The following PCTP variants were observed in gnomAD, a reference collection of about 807,000 sequenced individuals.
PCTP encodes the protein phosphatidylcholine transfer protein.
Under a neutral mutation model 31.0 loss-of-function variants are expected in PCTP, and 27 were observed. That is an observed-to-expected ratio of 0.87 (90% CI 0.64 to 1.20). The LOEUF (loss-of-function observed/expected upper bound fraction) is 1.20. Ranked by LOEUF, PCTP falls within the 50% of genes most tolerant of loss-of-function variation. PCTP has a pLI of 0.00. For missense variants in PCTP, 287 were observed against 268.2 expected (o/e 1.07, Z -0.49); for synonymous variants, 108 against 101.2 (o/e 1.07, Z -0.40).
At chr17:55,751,323 A>G (rs1002464911) in intron 1 of PCTP, 79 bp downstream of exon 1, 4 of 1,515,378 alleles carry the variant, frequency 2.6e-6, no homozygotes, top group Admixed American at 2.2e-5. Flanking sequence ...GCGGGGCGGC[A>G]GTCGCGGAAG....
chr17:55,835,155 C>T (rs1182537132), intron 5 of PCTP, among the ~76,000 whole-genome samples: 2 of 152,224 alleles, frequency 1.3e-5, no homozygotes, highest in African/African-American at 4.8e-5. Flanking sequence ...GAGGGATCCT[C>T]CCTTAGAGAC....
chr17:55,845,686 G>T (rs1598028094), downstream of PCTP, among the ~76,000 whole-genome samples: 2 of 152,152 alleles, frequency 1.3e-5, no homozygotes, highest in Middle Eastern at 3.4e-3. Context: ...TTTCAGCTCC[G>T]CGCGGCGGGC....
chr17:55,805,485 G>A (rs1206786158), intron 3 of PCTP, among the ~76,000 whole-genome samples: 2 of 152,002 alleles, frequency 1.3e-5, no homozygotes, highest in Non-Finnish European at 2.9e-5. Flanking sequence ...GTTAGTTCAT[G>A]TAGGATAATG....
intron 3 of PCTP, among the ~76,000 whole-genome samples, chr17:55,805,532 A>T (rs1384909077): frequency 6.6e-6 from 1 of 152,110 alleles, no homozygotes; most frequent in Non-Finnish European, 1.5e-5. Flanking sequence ...AAAGGACATG[A>T]TGTCATTCTT....
intron 5 of PCTP, among the ~76,000 whole-genome samples, chr17:55,830,368 G>T (rs759541715): frequency 6.6e-6 from 1 of 152,232 alleles, no homozygotes; most frequent in Admixed American, 6.5e-5. Context: ...TGCAATTTTT[G>T]TTGATGGACT....
chr17:55,806,693 C>T (rs981562137), intron 3 of PCTP, among the ~76,000 whole-genome samples: 5 of 152,024 alleles, frequency 3.3e-5, no homozygotes, highest in African/African-American at 2.4e-5. Context: ...AGTTAAACCT[C>T]GGTACTGGAC....
At position 55,751,052 on chromosome 17, in the gene PCTP, TA is replaced by T; in HGVS notation, c.-50del. The T allele has an allele frequency of 1.4e-6, 2 of 1,474,918 alleles. No individual in the cohort carries two copies. The allele number at this position is 1,474,918 out of a possible 1,614,324, so 91.4% of individuals were successfully genotyped here. ...GGTCACCCCGCCCCCAGGCCCACAC[TA>T]AGGGTGTCCGCGGCCTGCCCTCCAG... is the stretch of plus-strand genomic sequence containing the variant. On this transcript the variant is annotated 5_prime_UTR_variant, in exon 1 of 6. Coordinates refer to ENST00000268896, the MANE Select transcript of PCTP (RefSeq NM_021213.4).
downstream of PCTP, among the ~76,000 whole-genome samples, chr17:55,846,704 T>C (rs568096273): frequency 6.6e-6 from 1 of 152,294 alleles, no homozygotes; most frequent in African/African-American, 2.4e-5. Flanking sequence ...AGAACACTTA[T>C]AGCAAAGTCC....
chr17:55,784,029 A>G (rs1911661625), intron 2 of PCTP, among the ~76,000 whole-genome samples: 1 of 152,158 alleles, frequency 6.6e-6, no homozygotes, highest in Admixed American at 6.5e-5. Flanking sequence ...TAGCGGATCA[A>G]CCAGATGTTT....
chr17:55,774,968 A>C, intron 5 of PCTP, 109 bp downstream of exon 5: 1 of 1,210,448 alleles, frequency 8.3e-7, no homozygotes, highest in Non-Finnish European at 1.2e-6. Flanking sequence ...TCTCAGGCGT[A>C]ATGAGGCTCT....
intron 3 of PCTP, among the ~76,000 whole-genome samples, chr17:55,797,405 A>T (rs1006516979): frequency 4.6e-5 from 7 of 152,050 alleles, no homozygotes; most frequent in Non-Finnish European, 1.0e-4. Flanking sequence ...AGCAGAGCTC[A>T]TACATTCTCA....
In PCTP at chr17:55,776,457, T is replaced by A. The variant is rs1336378265; in HGVS notation, c.*357T>A. On this transcript the variant is annotated 3_prime_UTR_variant, in exon 6 of 6. Transcript: ENST00000268896. The stretch of plus-strand genomic sequence containing the variant: ...GGAACACGATCATTCCATTGTGCAA[T>A]TTTACGGGGATGGGTGGGCGGAGGG... The A allele has an allele frequency of 1.6e-6, 2 of 1,232,124 alleles. No individual in the cohort carries two copies. The highest frequency in any genetic ancestry group is 8.4e-5 in the Admixed American group (2 of 23,708). 76.3% of individuals were successfully genotyped at this position (1,232,124 alleles called of 1,614,324 possible).
chr17:55,752,740 T>C (rs1414039677), intron 1 of PCTP, among the ~76,000 whole-genome samples: 2 of 152,248 alleles, frequency 1.3e-5, no homozygotes, highest in Admixed American at 6.5e-5. Context: ...TATATCTTGA[T>C]GGATTACTCA....
At chr17:55,828,234 A>G (rs1017854063) in intron 5 of PCTP, among the ~76,000 whole-genome samples, 1 of 152,212 alleles carries the variant, frequency 6.6e-6, no homozygotes, top group African/African-American at 2.4e-5. Flanking sequence ...GGCTGCTGTA[A>G]CAAAGTACTA....
chr17:55,796,725 G>A (rs1912199717), intron 3 of PCTP, among the ~76,000 whole-genome samples: 1 of 151,952 alleles, frequency 6.6e-6, no homozygotes, highest in South Asian at 2.1e-4. Flanking sequence ...GTTTAAAATA[G>A]AATAGAGGAT....
chr17:55,821,424 G>A (rs1014699605), intron 3 of PCTP, among the ~76,000 whole-genome samples: 4 of 152,106 alleles, frequency 2.6e-5, no homozygotes, highest in African/African-American at 9.7e-5. Context: ...GTGATAAAAT[G>A]TTCTAAAATT....
At chr17:55,834,848 G>C (rs1331287036) in intron 5 of PCTP, among the ~76,000 whole-genome samples, 1 of 152,160 alleles carries the variant, frequency 6.6e-6, no homozygotes, top group Non-Finnish European at 1.5e-5. Flanking sequence ...GTCAGTATTT[G>C]TAATAGGTTG....
At chr17:55,771,394 G>A (rs562023353) in intron 3 of PCTP, among the ~76,000 whole-genome samples, 2 of 152,352 alleles carry the variant, frequency 1.3e-5, no homozygotes, top group South Asian at 4.1e-4. Flanking sequence ...ACCACATGAA[G>A]TGTCTGTAAT....
chr17:55,826,074 TTAAGTG>T (rs1905385681), downstream of PCTP, among the ~76,000 whole-genome samples: 1 of 152,182 alleles, frequency 6.6e-6, no homozygotes, highest in African/African-American at 2.4e-5. Context: ...GATCACACAG[TTAAGTG>T]TAAGTAGCAA....
Sources: allele counts gnomAD v4.1 joint callset (sites outside exome capture counted in the v4.1 genomes callset), GRCh38; gene constraint gnomAD v4.1.1; transcripts MANE v1.5; gene names NCBI Gene and HGNC (gene_info 2026-07-23, HGNC 2026-07-21).